The following F13A1 variants were observed in gnomAD, a reference collection of about 807,000 sequenced individuals.
The protein encoded by F13A1 is FSF, A subunit.
Under a neutral mutation model 80.1 loss-of-function variants are expected in F13A1, and 47 were observed. The ratio of observed to expected loss-of-function variants is 0.59; its 90% CI spans 0.46 to 0.75. The LOEUF is 0.75. Among genes scored for constraint, F13A1 ranks in the 30% least tolerant of loss-of-function variants. F13A1 has a pLI of 0.00. For missense variants in F13A1, 817 were observed against 930.4 expected, an observed-to-expected ratio of 0.88 and a Z score of 1.59; for synonymous variants, 349 against 344.9, an observed-to-expected ratio of 1.01 and a Z score of -0.13.
chr6:6,208,698 T>C (rs1761539738), intron 8 of F13A1, among the ~76,000 whole-genome samples: 1 of 152,164 alleles, frequency 6.6e-6, no homozygotes, highest in Admixed American at 6.5e-5. Context: ...AAAGAATCTT[T>C]AAGACAACAT....
rs1044338991 is a variant in F13A1 at position 6,144,633 on chromosome 6, T to C, written c.*986A>G. ...CAAGCTGAGGTCTCAACATGGGTGA[T>C]GTGAAGGACAAGAGAGAATCAGTGG... On this transcript the variant is annotated 3_prime_UTR_variant, in exon 15 of 15. Transcript: ENST00000264870. 1 of 152,218 alleles carries C rather than the reference T, an allele frequency of 6.6e-6. No homozygotes were observed. Among genetic ancestry groups the C allele is most frequent in the East Asian group, 1.9e-4 (1 of 5,192 alleles). The allele number at this position is 152,218 out of a possible 1,614,324, so 9.4% of individuals were successfully genotyped here. A position where few individuals can be genotyped will look rare whatever the true frequency, so the allele number is the denominator to read the frequency against.
intron 13 of F13A1, among the ~76,000 whole-genome samples, chr6:6,165,383 A>G (rs866935273): frequency 6.6e-6 from 1 of 152,216 alleles, no homozygotes; most frequent in African/African-American, 2.4e-5. Context: ...TAGTGCCTAA[A>G]AGATGAAAGT....
chr6:6,267,739 T>TA (rs1373882459), intron 3 of F13A1, among the ~76,000 whole-genome samples: 3 of 139,800 alleles, frequency 2.1e-5, no homozygotes, highest in African/African-American at 8.0e-5. Flanking sequence ...AATGATAGAT[T>TA]TAAAAAAAAA....
intron 3 of F13A1, among the ~76,000 whole-genome samples, chr6:6,282,988 A>G (rs1758086775): frequency 6.6e-6 from 1 of 152,188 alleles, no homozygotes; most frequent in Non-Finnish European, 1.5e-5. Context: ...TTCACAGTCT[A>G]CTTCCTGGGC....
At chr6:6,205,555 CTCT>C (rs1160342044) in intron 8 of F13A1, among the ~76,000 whole-genome samples, 1 of 152,176 alleles carries the variant, frequency 6.6e-6, no homozygotes, top group Non-Finnish European at 1.5e-5. Context: ...CCTTTCCACT[CTCT>C]TCTTAAGCTT....
At chr6:6,257,672 A>G (rs757637232) in intron 4 of F13A1, among the ~76,000 whole-genome samples, 5 of 152,330 alleles carry the variant, frequency 3.3e-5, no homozygotes, top group Middle Eastern at 3.4e-3. Flanking sequence ...TATTGATAGT[A>G]TATCTCCCAC....
intron 3 of F13A1, among the ~76,000 whole-genome samples, chr6:6,274,437 A>T (rs1757961113): frequency 6.6e-6 from 1 of 152,206 alleles, no homozygotes; most frequent in Non-Finnish European, 1.5e-5. Context: ...GATGCTGACT[A>T]CCTGGTCCCT....
intron 2 of F13A1, among the ~76,000 whole-genome samples, chr6:6,314,263 A>G (rs1758649157): frequency 6.6e-6 from 1 of 152,108 alleles, no homozygotes; most frequent in African/African-American, 2.4e-5. Flanking sequence ...TACAAGCATG[A>G]GCCACCGTGC....
At chr6:6,293,686 A>G (rs1379704279) in intron 3 of F13A1, among the ~76,000 whole-genome samples, 1 of 151,144 alleles carries the variant, frequency 6.6e-6, no homozygotes, top group Non-Finnish European at 1.5e-5. Flanking sequence ...CAAGAGCCCT[A>G]TTTATTTAAA....
At chr6:6,279,683 TGGCAAGTCTATGGAGCCAAA>T (rs1758035232) in intron 3 of F13A1, among the ~76,000 whole-genome samples, 1 of 152,162 alleles carries the variant, frequency 6.6e-6, no homozygotes, top group Non-Finnish European at 1.5e-5. Flanking sequence ...CCCCAGCAAA[TGGCAAGTCTATGGAGCCAAA>T]GCACCATTTG....
chr6:6,314,173 G>C (rs912784971), intron 2 of F13A1, among the ~76,000 whole-genome samples: 1 of 151,792 alleles, frequency 6.6e-6, no homozygotes, highest in African/African-American at 2.4e-5. Context: ...GTAGAGACAG[G>C]GTTTCACCAT....
intron 3 of F13A1, among the ~76,000 whole-genome samples, chr6:6,283,000 C>G (rs978520734): frequency 3.3e-5 from 5 of 152,212 alleles, no homozygotes. Context: ...TTCCTGGGCA[C>G]TCAACCTGTG....
intron 2 of F13A1, among the ~76,000 whole-genome samples, chr6:6,307,861 C>A (rs943146716): frequency 6.6e-6 from 1 of 152,096 alleles, no homozygotes; most frequent in Non-Finnish European, 1.5e-5. Context: ...CTGACATCTG[C>A]TTCCTTGTAA....
intron 11 of F13A1, 44 bp from the exon 12 acceptor site, chr6:6,174,911 C>A: frequency 6.2e-7 from 1 of 1,611,716 alleles, no homozygotes; most frequent in Non-Finnish European, 8.5e-7. Flanking sequence ...ATACAATCCA[C>A]CAGAGAGAAA....
intron 6 of F13A1, among the ~76,000 whole-genome samples, chr6:6,241,041 T>G (rs1757477473): frequency 6.6e-6 from 1 of 152,196 alleles, no homozygotes; most frequent in Admixed American, 6.5e-5. Flanking sequence ...CTAATTGATA[T>G]GCGTTACAAT....
chr6:6,234,288 C>G lies in F13A1; in HGVS notation c.799-9428G>C, dbSNP rs561388952. On this transcript the variant is annotated intron_variant, in intron 6 of 14. Transcript: ENST00000264870. ...AAGATTAATGTACACAAATCATTAG[C>G]TCTTCTCTACATCAACAGTGACCAA... 1.2e-3 allele frequency among the ~76,000 whole-genome samples: 180 copies of G among 152,180 alleles called. 1 individual carries two copies. The highest frequency in any genetic ancestry group is 4.2e-3 in the African/African-American group (174 of 41,556).
rs1760238481 is a variant in F13A1, at chr6:6,144,349, A to C, written c.*1270T>G. 6.6e-6 allele frequency: 1 copy of C among 152,210 alleles called. No homozygotes were observed. The highest frequency in any genetic ancestry group is 2.1e-4 in the South Asian group (1 of 4,830). The allele number at this position is 152,210 out of a possible 1,614,324, so 9.4% of individuals were successfully genotyped here. A position where few individuals can be genotyped will look rare whatever the true frequency, so the allele number is the denominator to read the frequency against. The stretch of plus-strand genomic sequence containing the variant: ...GTGGTTATATAGACCAGAGCATTCC[A>C]TTCTGATTTTGCCCCCAGTATACTT... On this transcript the variant is annotated 3_prime_UTR_variant, in exon 15 of 15. Coordinates refer to ENST00000264870, the MANE Select transcript of F13A1 (RefSeq NM_000129.4).
chr6:6,179,162 T>G (rs1760935181), intron 11 of F13A1, among the ~76,000 whole-genome samples: 1 of 152,208 alleles, frequency 6.6e-6, no homozygotes, highest in Admixed American at 6.5e-5. Context: ...GAAATAACAG[T>G]GACCCTGGAA....
chr6:6,150,298 C>G (rs548200910), intron 14 of F13A1, among the ~76,000 whole-genome samples: 1 of 152,132 alleles, frequency 6.6e-6, no homozygotes, highest in South Asian at 2.1e-4. Context: ...TCGTTTCTGA[C>G]GAAAGCAGGG....
Sources: gnomAD v4.1 joint callset for allele counts (sites outside exome capture counted in the v4.1 genomes callset) on GRCh38, gnomAD v4.1.1 for gene constraint, MANE v1.5 for transcripts, NCBI Gene and HGNC (gene_info 2026-07-23, HGNC 2026-07-21) for gene names.